The following DSCAML1 variants were observed in gnomAD, a reference collection of about 807,000 sequenced individuals.
DSCAML1 encodes DS cell adhesion molecule like 1.
A neutral mutation model predicts 200.5 loss-of-function variants in DSCAML1; 38 were observed. The observed-to-expected ratio is 0.19, with a 90% confidence interval of 0.15 to 0.25. DSCAML1 has a LOEUF of 0.25. DSCAML1 is among the 10% of genes least tolerant of loss of function. The pLI, the probability that DSCAML1 is intolerant of heterozygous loss-of-function variation, is 1.00. For missense variants in DSCAML1, 2,223 were observed against 2,858.8 expected, an observed-to-expected ratio of 0.78 and a Z score of 5.07; for synonymous variants, 1,215 against 1,165.0, an observed-to-expected ratio of 1.04 and a Z score of -0.87.
At chr11:117,695,830 A>C (rs184950362) in intron 3 of DSCAML1, among the ~76,000 whole-genome samples, 1 of 152,332 alleles carries the variant, frequency 6.6e-6, no homozygotes, top group East Asian at 1.9e-4. Context: ...GTGAGTTATT[A>C]ATTCAAGCAG....
At chr11:117,542,650 C>G (rs976828777) in intron 3 of DSCAML1, among the ~76,000 whole-genome samples, 2 of 152,238 alleles carry the variant, frequency 1.3e-5, no homozygotes, top group African/African-American at 4.8e-5. Flanking sequence ...GAGAAAAGCA[C>G]CCCGAGGTGC....
intron 14 of DSCAML1, among the ~76,000 whole-genome samples, chr11:117,475,403 C>T (rs533272331): frequency 6.6e-6 from 1 of 152,306 alleles, no homozygotes; most frequent in Admixed American, 6.5e-5. Flanking sequence ...GGCCCTGCAA[C>T]ATCTGGCTCC....
chr11:117,474,745 A>G (rs1160870896), intron 14 of DSCAML1, among the ~76,000 whole-genome samples: 6 of 147,312 alleles, frequency 4.1e-5, no homozygotes, highest in African/African-American at 7.5e-5. Context: ...GTTCTGTGTC[A>G]TTCCTTTTTT....
chr11:117,607,794 C>T (rs530306333), intron 3 of DSCAML1, among the ~76,000 whole-genome samples: 5 of 152,196 alleles, frequency 3.3e-5, no homozygotes, highest in African/African-American at 4.8e-5. Context: ...CTGTTCCCAA[C>T]GCCACGGGGA....
chr11:117,628,649 A>G (rs2052106307), intron 3 of DSCAML1, among the ~76,000 whole-genome samples: 1 of 152,048 alleles, frequency 6.6e-6, no homozygotes. Context: ...TTTATTCTTA[A>G]ATGGGAGTCA....
rs113294754 is a variant in DSCAML1 at position 117,811,747 on chromosome 11, T to C, written c.-250+5643A>G. On this transcript the variant is annotated intron_variant, in intron 1 of 2. Transcript: ENST00000525836. ...CCTTCTCGGCTTAGCAGCTGAAGAC[T>C]GAGGCTGCCTGATTGCCTTGGAAGC... 3.9e-3 allele frequency among the ~76,000 whole-genome samples: 599 copies of C among 152,302 alleles called. 1 individual carries two copies. Among genetic ancestry groups the C allele is most frequent in the African/African-American group, 0.013 (540 of 41,532 alleles).
chr11:117,541,417 G>A (rs570842821), intron 3 of DSCAML1, among the ~76,000 whole-genome samples: 1 of 152,340 alleles, frequency 6.6e-6, no homozygotes, highest in South Asian at 2.1e-4. Context: ...GTGAACATCT[G>A]ATGTGTTGAA....
At chr11:117,773,966 G>A (rs980665369) in intron 3 of DSCAML1, among the ~76,000 whole-genome samples, 1 of 152,158 alleles carries the variant, frequency 6.6e-6, no homozygotes, top group African/African-American at 2.4e-5. Context: ...TGATAATTAT[G>A]CCCTATGGGG....
At chr11:117,429,267 T>A (rs745911285) in intron 32 of DSCAML1, among the ~76,000 whole-genome samples, 5 of 152,218 alleles carry the variant, frequency 3.3e-5, no homozygotes, top group Non-Finnish European at 7.3e-5. Flanking sequence ...CTCCCCACCA[T>A]GGAGCCTGGT....
At chr11:117,474,459 T>C (rs1038208356) in intron 14 of DSCAML1, among the ~76,000 whole-genome samples, 1 of 152,166 alleles carries the variant, frequency 6.6e-6, no homozygotes, top group African/African-American at 2.4e-5. Flanking sequence ...TCCCCAACCA[T>C]GCATTCTATT....
chr11:117,598,191 G>T (rs2051398967), intron 3 of DSCAML1, among the ~76,000 whole-genome samples: 1 of 152,206 alleles, frequency 6.6e-6, no homozygotes, highest in Non-Finnish European at 1.5e-5. Context: ...GACTTGGAAT[G>T]CCAGTGTAAC....
chr11:117,573,441 C>T (rs1399637123), intron 3 of DSCAML1, among the ~76,000 whole-genome samples: 1 of 152,216 alleles, frequency 6.6e-6, no homozygotes, highest in Non-Finnish European at 1.5e-5. Context: ...CATCTCTCTT[C>T]CATTCAGAAC....
chr11:117,790,362 G>A (rs1334282330), intron 1 of DSCAML1, among the ~76,000 whole-genome samples: 1 of 152,210 alleles, frequency 6.6e-6, no homozygotes, highest in African/African-American at 2.4e-5. Flanking sequence ...CTACCACTGG[G>A]GCCTCAAGGG....
In DSCAML1 at chr11:117,780,758, C is replaced by T; in HGVS notation, c.99G>A (p.Gln33=). The T allele has an allele frequency of 6.5e-7, 1 of 1,529,310 alleles. No homozygotes were observed. The highest frequency in any genetic ancestry group is 2.1e-5 in the Admixed American group (1 of 46,540). 94.7% of individuals were successfully genotyped at this position (1,529,310 alleles called of 1,614,324 possible). A position where few individuals can be genotyped will look rare whatever the true frequency, so the allele number is the denominator to read the frequency against. ...TSLYFVNDSL[Q]QVTFSSSVGV... ...CCACGGAGCTGGAAAAGGTCACCTG[C>T]TGCAAGGAGTCATTTACAAAGTAGA... Residue 33 remains glutamine, a synonymous_variant, in exon 2 of 33, where the codon CAG becomes CAA. Coordinates refer to ENST00000651296, the MANE Select transcript of DSCAML1 (RefSeq NM_020693.4). The surrounding 1 kb of genome is among the most constrained non-coding windows in gnomAD (Gnocchi z 4.8).
chr11:117,679,102 C>A (rs940231273), intron 3 of DSCAML1, among the ~76,000 whole-genome samples: 2 of 152,222 alleles, frequency 1.3e-5, no homozygotes, highest in African/African-American at 4.8e-5. Flanking sequence ...AGAGCAGAGG[C>A]CAGGGCTCAC....
chr11:117,655,523 G>A (rs1001401434), intron 3 of DSCAML1, among the ~76,000 whole-genome samples: 2 of 152,296 alleles, frequency 1.3e-5, no homozygotes, highest in Admixed American at 6.5e-5. Flanking sequence ...TTAAAATGAG[G>A]CCTGTCTGGT....
At chr11:117,697,428 T>G (rs1166153080) in intron 3 of DSCAML1, among the ~76,000 whole-genome samples, 4 of 152,204 alleles carry the variant, frequency 2.6e-5, no homozygotes, top group African/African-American at 9.7e-5. Flanking sequence ...ACATTTTTTT[T>G]ATTATGGCAA....
chr11:117,427,952 A>C lies in DSCAML1; in HGVS notation c.*376T>G, dbSNP rs910394911. 14 of 160,818 alleles carry C rather than the reference A, an allele frequency of 8.7e-5. No individual in the cohort carries two copies. The highest frequency in any genetic ancestry group is 1.6e-4 in the Non-Finnish European group (12 of 73,826). The allele number at this position is 160,818 out of a possible 1,614,324, so 10.0% of individuals were successfully genotyped here. A position where few individuals can be genotyped will look rare whatever the true frequency, so the allele number is the denominator to read the frequency against. ...AACCACCTAGACTGGGGGGAAGGTG[A>C]GGAGGAGGGAAAAAAATTGCTGAGT... On this transcript the variant is annotated 3_prime_UTR_variant, in exon 33 of 33. Transcript: ENST00000651296.
intron 22 of DSCAML1, 90 bp downstream of exon 22, chr11:117,439,729 G>A: frequency 7.9e-7 from 1 of 1,272,046 alleles, no homozygotes. Flanking sequence ...CGGGTCACCA[G>A]GCAGGAGGGC....
Sources: gnomAD v4.1 joint callset for allele counts (sites outside exome capture counted in the v4.1 genomes callset) on GRCh38, gnomAD v4.1.1 for gene constraint, Gnocchi (gnomAD v3.1) non-coding constraint, MANE v1.5 for transcripts, NCBI Gene and HGNC (gene_info 2026-07-23, HGNC 2026-07-21) for gene names.